Variants in FSTL4 observed in about 807,000 individuals in gnomAD.
FSTL4 encodes follistatin like 4.
In FSTL4, 28 loss-of-function variants were observed where a neutral mutation model predicts 78.2. The ratio of observed to expected loss-of-function variants is 0.36; its 90% CI spans 0.27 to 0.49. The LOEUF is 0.49. Among genes scored for constraint, FSTL4 ranks in the 20% least tolerant of loss-of-function variants. FSTL4 has a pLI of 0.98. For missense variants in FSTL4, 922 were observed against 1,084.9 expected (o/e 0.85, Z 2.11); for synonymous variants, 422 against 440.5 (o/e 0.96, Z 0.53).
At chr5:133,250,697 G>C (rs1752201660) in intron 6 of FSTL4, among the ~76,000 whole-genome samples, 1 of 152,234 alleles carries the variant, frequency 6.6e-6, no homozygotes, top group South Asian at 2.1e-4. Context: ...CCGTGTGTGT[G>C]GGAGAGGGGA....
intron 3 of FSTL4, among the ~76,000 whole-genome samples, chr5:133,547,860 C>T (rs1314845533): frequency 1.3e-5 from 2 of 152,106 alleles, no homozygotes; most frequent in Non-Finnish European, 2.9e-5. Flanking sequence ...CTTATAGCAC[C>T]AGAAAATTAA....
chr5:133,371,461 G>T (rs1755298242), intron 4 of FSTL4, among the ~76,000 whole-genome samples: 1 of 152,226 alleles, frequency 6.6e-6, no homozygotes, highest in South Asian at 2.1e-4. Flanking sequence ...AGGGTCTACG[G>T]AAAGTGTGGG....
At chr5:133,371,436 C>T (rs974350603) in intron 4 of FSTL4, among the ~76,000 whole-genome samples, 3 of 152,174 alleles carry the variant, frequency 2.0e-5, no homozygotes, top group Admixed American at 2.0e-4. Flanking sequence ...TGGGAAAAAG[C>T]AAGCATGAGG....
At chr5:133,261,346 A>G (rs146497373) in intron 6 of FSTL4, among the ~76,000 whole-genome samples, 1 of 152,214 alleles carries the variant, frequency 6.6e-6, no homozygotes, top group East Asian at 1.9e-4. Flanking sequence ...TATCCGGTGG[A>G]AAGGATGTGA....
chr5:133,365,650 T>C (rs935142334), intron 4 of FSTL4, among the ~76,000 whole-genome samples: 6 of 152,262 alleles, frequency 3.9e-5, no homozygotes, highest in Non-Finnish European at 8.8e-5. Context: ...GTCAGGAGAA[T>C]GAGTTATCCG....
the FSTL4 span, among the ~76,000 whole-genome samples, chr5:133,781,685 C>G: frequency 6.6e-6 from 1 of 152,198 alleles, no homozygotes; most frequent in South Asian, 2.1e-4. Flanking sequence ...CCCTGCTCAA[C>G]AATCTGGCTT....
the FSTL4 span, among the ~76,000 whole-genome samples, chr5:133,659,053 T>G: frequency 3.3e-5 from 5 of 152,126 alleles, no homozygotes; most frequent in Non-Finnish European, 7.4e-5. Context: ...CACATTATAA[T>G]TTGTTTGTGT....
chr5:133,567,359 T>C, intron 2 of FSTL4, 140 bp from the exon 3 acceptor site: 2 of 678,804 alleles, frequency 2.9e-6, no homozygotes, highest in Non-Finnish European at 5.2e-6. Flanking sequence ...GCAATGTTGG[T>C]CTACTAAACT....
At chr5:133,265,330 C>A (rs1581580226) in intron 6 of FSTL4, among the ~76,000 whole-genome samples, 1 of 152,202 alleles carries the variant, frequency 6.6e-6, no homozygotes, top group Non-Finnish European at 1.5e-5. Flanking sequence ...AGGGAGGGCA[C>A]CACCTCACAG....
chr5:133,783,329 A>G, the FSTL4 span, among the ~76,000 whole-genome samples: 1 of 152,240 alleles, frequency 6.6e-6, no homozygotes, highest in Admixed American at 6.5e-5. Context: ...GCTTTAATAA[A>G]TAAATAGGAA....
At chr5:133,538,346 G>A (rs1759396006) in intron 3 of FSTL4, among the ~76,000 whole-genome samples, 1 of 152,168 alleles carries the variant, frequency 6.6e-6, no homozygotes, top group Non-Finnish European at 1.5e-5. Flanking sequence ...GAATACCAAA[G>A]AATTGACACT....
chr5:133,557,946 G>T (rs1434678395), intron 3 of FSTL4, among the ~76,000 whole-genome samples: 3 of 152,184 alleles, frequency 2.0e-5, no homozygotes, highest in African/African-American at 7.2e-5. Flanking sequence ...TTGGAAAAAA[G>T]ATCCTGAAAC....
At chr5:133,657,417 G>A in the FSTL4 span, among the ~76,000 whole-genome samples, 3 of 152,196 alleles carry the variant, frequency 2.0e-5, no homozygotes, top group African/African-American at 7.2e-5. Flanking sequence ...GAGGTGGACA[G>A]GGACTTCTTT....
At chr5:133,541,677 C>A (rs1361645799) in intron 3 of FSTL4, among the ~76,000 whole-genome samples, 1 of 152,082 alleles carries the variant, frequency 6.6e-6, no homozygotes, top group Non-Finnish European at 1.5e-5. Context: ...CCAGATGTGG[C>A]CAGCATGAGT....
the FSTL4 span, among the ~76,000 whole-genome samples, chr5:133,793,583 G>C: frequency 4.6e-5 from 7 of 152,266 alleles, no homozygotes; most frequent in Non-Finnish European, 1.0e-4. Flanking sequence ...TCAGGAGTTC[G>C]TGTTTTTCAG....
chr5:133,560,972 C>T (rs1759899174), intron 3 of FSTL4, among the ~76,000 whole-genome samples: 1 of 151,266 alleles, frequency 6.6e-6, no homozygotes, highest in Non-Finnish European at 1.5e-5. Flanking sequence ...ACATGTAGTC[C>T]CAGCTACTCG....
intron 3 of FSTL4, among the ~76,000 whole-genome samples, chr5:133,502,384 G>T (rs181539467): frequency 6.6e-6 from 1 of 152,322 alleles, no homozygotes; most frequent in African/African-American, 2.4e-5. Context: ...GGGAAGGGAA[G>T]AATGCAGGTG....
chr5:133,761,872 C>T, the FSTL4 span, among the ~76,000 whole-genome samples: 10 of 152,150 alleles, frequency 6.6e-5, no homozygotes, highest in South Asian at 2.1e-4. Flanking sequence ...TGTTATCCTC[C>T]GAGACCTCGA....
chr5:133,738,681 T>A, the FSTL4 span, among the ~76,000 whole-genome samples: 1 of 151,686 alleles, frequency 6.6e-6, no homozygotes, highest in Non-Finnish European at 1.5e-5. Flanking sequence ...TTGGGGGAGG[T>A]AGTACACTTC....
Sources: gnomAD v4.1 joint callset for allele counts (sites outside exome capture counted in the v4.1 genomes callset) on GRCh38, gnomAD v4.1.1 for gene constraint, MANE v1.5 for transcripts, NCBI Gene and HGNC (gene_info 2026-07-23, HGNC 2026-07-21) for gene names.